The following AIRE variants were observed in gnomAD, a reference collection of about 807,000 sequenced individuals.
AIRE encodes autoimmune polyendocrinopathy candidiasis ectodermal dystrophy protein.
In AIRE, 52 loss-of-function variants were observed where a neutral mutation model predicts 62.1. The ratio of observed to expected loss-of-function variants is 0.84; its 90% CI spans 0.67 to 1.06. The LOEUF (loss-of-function observed/expected upper bound fraction) is 1.06, where lower values mean the gene tolerates loss of function less well. Among genes scored for constraint, AIRE ranks in the 50% least tolerant of loss-of-function variants. The probability of loss-of-function intolerance (pLI) is 0.00; values close to 1 mark genes in which losing one functional copy is unlikely to be tolerated. For synonymous variants in AIRE, 342 were observed against 321.6 expected (o/e 1.06, Z -0.68); for missense variants, 774 against 755.8 (o/e 1.02, Z -0.28).
chr21:44,293,438 G>A (rs55928872), intron 10 of AIRE, among the ~76,000 whole-genome samples: 1,969 of 152,096 alleles, frequency 0.013, 22 homozygotes, highest in Non-Finnish European at 0.02. Flanking sequence ...GCACACGTGG[G>A]AGCCCTCCCC....
rs866387711 is a variant in AIRE at position 44,296,443 on chromosome 21, G to C, written c.1564G>C (p.Glu522Gln). Residue 522 changes from glutamate to glutamine, a missense_variant and splice_region_variant, in exon 13 of 14, where the codon GAG becomes CAG. Glu to Gln is a conservative substitution (Grantham distance 29). Coordinates refer to ENST00000291582, the MANE Select transcript of AIRE (RefSeq NM_000383.4). Reference protein sequence around the residue: ...HRDDLESLLSEHTFDGILQWA... With the variant: ...HRDDLESLLSQHTFDGILQWA... Reference sequence around the variant, plus strand: ...GGATGACCTGGAGTCCCTTCTGAGCGAGGTAACGCCTCCCCTGGCCTCCTG... The same window carrying C: ...GGATGACCTGGAGTCCCTTCTGAGCCAGGTAACGCCTCCCCTGGCCTCCTG... 1 of 1,612,282 alleles carries C rather than the reference G, an allele frequency of 6.2e-7. No individual in the cohort carries two copies. The highest frequency in any genetic ancestry group is 1.1e-5 in the South Asian group (1 of 91,074).
In AIRE at chr21:44,297,172, C is replaced by T. The variant is rs973540509; in HGVS notation, c.1567-484C>T. On this transcript the variant is annotated intron_variant, in intron 13 of 13. Transcript: ENST00000291582. This position sits in a 1 kb window ranked among gnomAD's most constrained non-coding sequence, Gnocchi z 4.8. The stretch of plus-strand genomic sequence containing the variant: ...GAGCTGCCCCTCTGGATGGGGTCCC[C>T]GGGTATAGCTGGAGAAATGAGCGAC... 1.3e-5 allele frequency among the ~76,000 whole-genome samples: 2 copies of T among 152,184 alleles called. No homozygotes were observed. Among genetic ancestry groups the T allele is most frequent in the African/African-American group, 2.4e-5 (1 of 41,442 alleles).
In AIRE at chr21:44,293,066, C is replaced by T. The variant is rs201491251; in HGVS notation, c.1169C>T (p.Thr390Met). Reference sequence around the variant, plus strand: ...GGGGAACCCCTAGCCGGCATGGACACGACTCTTGTCTACAAGCACCTGCCG... The same window carrying T: ...GGGGAACCCCTAGCCGGCATGGACATGACTCTTGTCTACAAGCACCTGCCG... ...PPGEPLAGMD[T>M]TLVYKHLPAP... The change falls in exon 10 of 14, where the codon ACG becomes ATG. Residue 390 changes from threonine to methionine, a missense_variant. Transcript: ENST00000291582. 85 of 1,612,440 alleles carry T rather than the reference C, an allele frequency of 5.3e-5. No homozygotes were observed. The Admixed American group carries it at 8.0e-4, about 15-fold the overall frequency.
At position 44,287,371 on chromosome 21, in the gene AIRE, T is replaced by C; in HGVS notation, c.464-146T>C. 1 of 722,332 alleles carries C rather than the reference T, an allele frequency of 1.4e-6. No individual in the cohort carries two copies. 44.7% of individuals were successfully genotyped at this position (722,332 alleles called of 1,614,324 possible). A position where few individuals can be genotyped will look rare whatever the true frequency, so the allele number is the denominator to read the frequency against. Reference sequence around the variant, plus strand: ...AGTAGGCGGGCGGGTCTCATTTCCCTTTTACTGATGAGAAACCAGAGCCCG... The same window carrying C: ...AGTAGGCGGGCGGGTCTCATTTCCCCTTTACTGATGAGAAACCAGAGCCCG... On this transcript the variant is annotated intron_variant, in intron 3 of 13. Transcript: ENST00000291582. This position sits in a 1 kb window ranked among gnomAD's most constrained non-coding sequence, Gnocchi z 4.3.
rs1205958100 is a variant in AIRE at position 44,287,761 on chromosome 21, C to T, written c.538+170C>T. Among the ~76,000 whole-genome samples the T allele has an allele frequency of 6.6e-6, 1 of 152,052 alleles. No homozygotes were observed. Among genetic ancestry groups the T allele is most frequent in the Non-Finnish European group, 1.5e-5 (1 of 67,980 alleles). On this transcript the variant is annotated intron_variant, in intron 4 of 13. Transcript: ENST00000291582. This position sits in a 1 kb window ranked among gnomAD's most constrained non-coding sequence, Gnocchi z 4.3. ...CACCACCAGACCCAGGAAGGGGACA[C>T]CTTGGGTCTAAGCATGATCTTGCCA...
Position 44,287,678 on chromosome 21 carries a change from C to T in AIRE, c.538+87C>T, listed in dbSNP as rs2040497485. On this transcript the variant is annotated intron_variant, in intron 4 of 13. Coordinates refer to ENST00000291582, the MANE Select transcript of AIRE (RefSeq NM_000383.4). The surrounding 1 kb of genome is among the most constrained non-coding windows in gnomAD (Gnocchi z 4.3). Reference sequence around the variant, plus strand: ...CAGAGCAGGGCCTGCCCTCTGAGACCCTGTCCTAGGGGCTGGGGACGTGCT... The same window carrying T: ...CAGAGCAGGGCCTGCCCTCTGAGACTCTGTCCTAGGGGCTGGGGACGTGCT... The T allele has an allele frequency of 7.3e-7, 1 of 1,361,358 alleles. No individual in the cohort carries two copies. Among genetic ancestry groups the T allele is most frequent in the African/African-American group, 1.4e-5 (1 of 69,252 alleles). The allele number at this position is 1,361,358 out of a possible 1,614,324, so 84.3% of individuals were successfully genotyped here. A position where few individuals can be genotyped will look rare whatever the true frequency, so the allele number is the denominator to read the frequency against.
chr21:44,295,870 C>T (rs1039421852), intron 12 of AIRE, among the ~76,000 whole-genome samples: 5 of 149,592 alleles, frequency 3.3e-5, no homozygotes, highest in East Asian at 1.9e-4. Flanking sequence ...AGTGTTCACC[C>T]GAGTGGAGGA....
At chr21:44,295,585 C>T (rs1313706968) in intron 12 of AIRE, among the ~76,000 whole-genome samples, 4 of 152,214 alleles carry the variant, frequency 2.6e-5, no homozygotes, top group African/African-American at 9.7e-5. Flanking sequence ...TCATTAACCT[C>T]CTGGGTTCTG....
chr21:44,294,290 CCA>C (rs1405010374), intron 11 of AIRE, 109 bp from the exon 12 acceptor site: 1 of 620,448 alleles, frequency 1.6e-6, no homozygotes, highest in Non-Finnish European at 2.8e-6. Context: ...TCCTCACACC[CCA>C]CACCCCCATC....
chr21:44,287,623 C>T lies in AIRE; in HGVS notation c.538+32C>T, dbSNP rs1239093791. The T allele has an allele frequency of 7.1e-6, 11 of 1,540,526 alleles. No individual in the cohort carries two copies. Among genetic ancestry groups the T allele is most frequent in the Non-Finnish European group, 9.6e-6 (11 of 1,140,432 alleles). On this transcript the variant is annotated intron_variant, in intron 4 of 13. Transcript: ENST00000291582. The surrounding 1 kb of genome is among the most constrained non-coding windows in gnomAD (Gnocchi z 4.3). The stretch of plus-strand genomic sequence containing the variant: ...GGGGCCCAGTGGGAGCGCCTCCCTT[C>T]TCCCTGGCCAGGGGCAAGGGGTCAG...
At chr21:44,296,761 T>C (rs912124775) in intron 13 of AIRE, among the ~76,000 whole-genome samples, 1 of 136,378 alleles carries the variant, frequency 7.3e-6, no homozygotes, top group Non-Finnish European at 1.6e-5. Flanking sequence ...GCCTGCACCC[T>C]GGCAGGCAGA....
At chr21:44,294,377 G>A in intron 11 of AIRE, 24 bp from the exon 12 acceptor site, 2 of 1,521,928 alleles carry the variant, frequency 1.3e-6, no homozygotes, top group South Asian at 1.2e-5. Flanking sequence ...CCCAGGGCTG[G>A]CAGCCCCTCA....
chr21:44,288,219 C>T, intron 4 of AIRE, 126 bp from the exon 5 acceptor site: 1 of 799,164 alleles, frequency 1.3e-6, no homozygotes. Flanking sequence ...GCTGGGTCCC[C>T]TCCTTGGCCT....
In AIRE at chr21:44,287,192, A is replaced by T. The variant is rs1254988233; in HGVS notation, c.463+59A>T. 3.8e-6 allele frequency: 6 copies of T among 1,597,640 alleles called. No individual in the cohort carries two copies. Among genetic ancestry groups the T allele is most frequent in the Non-Finnish European group, 5.1e-6 (6 of 1,173,976 alleles). ...TCCAGTCTTCCCGGGCTTCCCCGGG[A>T]GCCCACGCCCCCTCCCCACCCGGGC... On this transcript the variant is annotated intron_variant, in intron 3 of 13. Transcript: ENST00000291582. This position sits in a 1 kb window ranked among gnomAD's most constrained non-coding sequence, Gnocchi z 4.3.
chr21:44,288,515 A>G, intron 5 of AIRE, 57 bp downstream of exon 5: 1 of 1,320,988 alleles, frequency 7.6e-7, no homozygotes, highest in Non-Finnish European at 1.1e-6. Context: ...CCAAGATGGA[A>G]GGAGGACCAC....
chr21:44,295,565 G>C (rs181779633), intron 12 of AIRE, among the ~76,000 whole-genome samples: 1 of 152,194 alleles, frequency 6.6e-6, no homozygotes, highest in Non-Finnish European at 1.5e-5. Flanking sequence ...CTCCCGCAGC[G>C]GGTACCTCGT....
At chr21:44,296,080 T>C (rs892215383) in intron 12 of AIRE, among the ~76,000 whole-genome samples, 7 of 152,150 alleles carry the variant, frequency 4.6e-5, no homozygotes, top group Non-Finnish European at 7.4e-5. Flanking sequence ...GGCCTCAGAC[T>C]TCCCCTCTCA....
In AIRE at chr21:44,289,973, C is replaced by A; in HGVS notation, c.799-15C>A. 6.2e-7 allele frequency: 1 copy of A among 1,610,124 alleles called. No individual in the cohort carries two copies. The highest frequency in any genetic ancestry group is 1.3e-5 in the African/African-American group (1 of 75,014). ...CTGAGGCTGCCCCCATTGCTGACGC[C>A]CCTCTTCCTTGCAGGGTGGAGGTGA... On this transcript the variant is annotated splice_polypyrimidine_tract_variant and intron_variant, in intron 6 of 13. Transcript: ENST00000291582.
rs1479823677 is a variant in AIRE at position 44,287,188 on chromosome 21, C to T, written c.463+55C>T. 3.3e-5 allele frequency: 52 copies of T among 1,598,760 alleles called. No individual in the cohort carries two copies. In the South Asian group the frequency reaches 4.7e-4, roughly 15 times the overall value. ...GGTCTCCAGTCTTCCCGGGCTTCCC[C>T]GGGAGCCCACGCCCCCTCCCCACCC... On this transcript the variant is annotated intron_variant, in intron 3 of 13. Transcript: ENST00000291582. This position sits in a 1 kb window ranked among gnomAD's most constrained non-coding sequence, Gnocchi z 4.3.
Sources: gnomAD v4.1 joint callset for allele counts (sites outside exome capture counted in the v4.1 genomes callset) on GRCh38, gnomAD v4.1.1 for gene constraint, Gnocchi (gnomAD v3.1) non-coding constraint, MANE v1.5 for transcripts, NCBI Gene and HGNC (gene_info 2026-07-23, HGNC 2026-07-21) for gene names.